PDE10A: variants seen among roughly 807,000 people sequenced by gnomAD.
PDE10A encodes phosphodiesterase 10A.
PDE10A carries 39 observed loss-of-function variants against 97.7 expected under a neutral mutation model. The observed-to-expected ratio is 0.40, with a 90% CI of 0.31 to 0.52. The LOEUF (loss-of-function observed/expected upper bound fraction) is 0.52, where lower values mean the gene tolerates loss of function less well. PDE10A is among the 20% of genes least tolerant of loss of function. The pLI is 0.56. For synonymous variants in PDE10A, 371 were observed against 376.8 expected (o/e 0.98, Z 0.18); for missense variants, 731 against 1,047.8 (o/e 0.70, Z 4.17).
At position 165,662,141 on chromosome 6, in the gene PDE10A, G is replaced by T. The variant is rs1214644455; in HGVS notation, c.671C>A (p.Ala224Asp). 1.3e-5 allele frequency: 9 copies of T among 678,220 alleles called. No individual in the cohort carries two copies. The highest frequency in any genetic ancestry group is 1.6e-5 in the Non-Finnish European group (9 of 548,160). The allele number at this position is 678,220 out of a possible 1,614,324, so 42.0% of individuals were successfully genotyped here. The change falls in exon 1 of 22, where the codon GCC (alanine) becomes GAC (aspartate). Residue 224 changes from alanine to aspartate, a missense_variant. Physicochemically the swap from Ala to Asp is moderately radical, Grantham distance 126. Coordinates refer to ENST00000539869, the MANE Select transcript of PDE10A (RefSeq NM_001385079.1). ...GCCGGGGGAGCCCGCGCGGCGGGCG[G>T]CCTGGCCAAGGGGGAGCCGGGGCGG... Reference protein sequence around the residue: ...PPPPRLPLGQAARRAGSPGFP... With the variant: ...PPPPRLPLGQDARRAGSPGFP...
At chr6:165,709,102 G>A (rs1235418125) in intron 1 of PDE10A, among the ~76,000 whole-genome samples, 2 of 108,000 alleles carry the variant, frequency 1.9e-5, no homozygotes, top group Non-Finnish European at 3.8e-5. Flanking sequence ...ACATGCTGCC[G>A]TGCTCTCCCC....
At chr6:165,926,035 A>T (rs545895997) in intron 1 of PDE10A, among the ~76,000 whole-genome samples, 1 of 152,320 alleles carries the variant, frequency 6.6e-6, no homozygotes, top group Non-Finnish European at 1.5e-5. Flanking sequence ...AAAAATCTTC[A>T]ATTTTCTTAA....
chr6:165,508,504 T>A (rs1781330081), intron 2 of PDE10A, among the ~76,000 whole-genome samples: 1 of 152,014 alleles, frequency 6.6e-6, no homozygotes, highest in South Asian at 2.1e-4. Flanking sequence ...CTGTATGAGT[T>A]TTTTGCAACA....
intron 1 of PDE10A, among the ~76,000 whole-genome samples, chr6:165,835,813 C>T (rs550445544): frequency 1.3e-5 from 2 of 152,146 alleles, no homozygotes; most frequent in South Asian, 4.1e-4. Flanking sequence ...CAGGCACGGG[C>T]TGAGCAGGAC....
At chr6:165,441,898 T>C (rs1790496026) in intron 5 of PDE10A, among the ~76,000 whole-genome samples, 1 of 152,268 alleles carries the variant, frequency 6.6e-6, no homozygotes, top group Non-Finnish European at 1.5e-5. Context: ...TATTATCATT[T>C]GTATTTAATA....
At chr6:165,739,474 A>G (rs551055105) in intron 1 of PDE10A, among the ~76,000 whole-genome samples, 1 of 152,354 alleles carries the variant, frequency 6.6e-6, no homozygotes, top group South Asian at 2.1e-4. Flanking sequence ...CTCACACCAT[A>G]TACAAAAATC....
chr6:165,725,542 A>C, intron 1 of PDE10A, among the ~76,000 whole-genome samples: 1 of 152,206 alleles, frequency 6.6e-6, no homozygotes, highest in Non-Finnish European at 1.5e-5. Context: ...GTTTCAGTGG[A>C]TCATGCTTTA....
chr6:165,878,441 A>G (rs1016751524), intron 1 of PDE10A, among the ~76,000 whole-genome samples: 1 of 152,226 alleles, frequency 6.6e-6, no homozygotes, highest in South Asian at 2.1e-4. Context: ...TGAAGCATCA[A>G]TCACTTCCCT....
At chr6:165,378,250 G>A (rs1784732074) in intron 18 of PDE10A, among the ~76,000 whole-genome samples, 2 of 152,328 alleles carry the variant, frequency 1.3e-5, no homozygotes, top group South Asian at 2.1e-4. Flanking sequence ...AGAACAAAAT[G>A]TAGGATCAGT....
At chr6:165,900,198 G>A (rs577791683) in intron 1 of PDE10A, among the ~76,000 whole-genome samples, 4 of 152,302 alleles carry the variant, frequency 2.6e-5, no homozygotes, top group South Asian at 2.1e-4. Context: ...TGGGCGGGGC[G>A]CAGTGGCTCA....
intron 1 of PDE10A, among the ~76,000 whole-genome samples, chr6:165,625,424 C>G (rs950971924): frequency 6.6e-6 from 1 of 152,202 alleles, no homozygotes; most frequent in African/African-American, 2.4e-5. Context: ...ACCTCAAAGA[C>G]TTGGACCTGA....
chr6:165,934,797 A>G (rs1344479219), intron 1 of PDE10A, among the ~76,000 whole-genome samples: 1 of 152,136 alleles, frequency 6.6e-6, no homozygotes, highest in East Asian at 1.9e-4. Context: ...CACTACTACT[A>G]CTAATATCTT....
At chr6:165,353,669 T>TCTGGAAAAGGCAATGGTATGAGGA (rs2128188022) in intron 18 of PDE10A, among the ~76,000 whole-genome samples, 3 of 152,256 alleles carry the variant, frequency 2.0e-5, no homozygotes, top group Admixed American at 2.0e-4. Context: ...TATATGACAT[T>TCTGGAAAAGGCAATGGTATGAGGA]CTGGAAAAGG....
At chr6:165,683,087 G>A (rs1031835350) in intron 1 of PDE10A, among the ~76,000 whole-genome samples, 4 of 152,162 alleles carry the variant, frequency 2.6e-5, no homozygotes, top group East Asian at 1.9e-4. Context: ...CACATGGTGC[G>A]TACTCACAAA....
chr6:165,926,040 T>A (rs774855751), intron 1 of PDE10A, among the ~76,000 whole-genome samples: 1 of 152,224 alleles, frequency 6.6e-6, no homozygotes, highest in Non-Finnish European at 1.5e-5. Flanking sequence ...TCTTCAATTT[T>A]CTTAAAATAA....
intron 16 of PDE10A, among the ~76,000 whole-genome samples, chr6:165,389,765 A>C (rs956553956): frequency 2.6e-5 from 4 of 152,216 alleles, no homozygotes; most frequent in Admixed American, 1.3e-4. Context: ...TGACTGGCTG[A>C]GCTCACCAAG....
At chr6:165,561,608 G>A (rs1010939790) in intron 1 of PDE10A, among the ~76,000 whole-genome samples, 3 of 152,124 alleles carry the variant, frequency 2.0e-5, no homozygotes, top group Non-Finnish European at 4.4e-5. Flanking sequence ...AAATTAATGT[G>A]TTTTGAGTGT....
chr6:165,855,079 C>A (rs982064743), intron 1 of PDE10A, among the ~76,000 whole-genome samples: 6 of 151,954 alleles, frequency 3.9e-5, no homozygotes, highest in African/African-American at 1.5e-4. Context: ...CCCTGGACAC[C>A]CAGTAGGTAA....
At chr6:165,368,844 G>A (rs896021332) in intron 18 of PDE10A, among the ~76,000 whole-genome samples, 3 of 152,134 alleles carry the variant, frequency 2.0e-5, no homozygotes, top group East Asian at 1.9e-4. Flanking sequence ...GGGGCAGACC[G>A]ACACCTCACA....
Sources: gnomAD v4.1 joint callset for allele counts (sites outside exome capture counted in the v4.1 genomes callset) on GRCh38, gnomAD v4.1.1 for gene constraint, MANE v1.5 for transcripts, NCBI Gene and HGNC (gene_info 2026-07-23, HGNC 2026-07-21) for gene names.